The following BBS9 variants were observed in gnomAD, a reference collection of about 807,000 sequenced individuals.
BBS9 encodes Bardet-Biedl syndrome 9.
A neutral mutation model predicts 117.7 loss-of-function variants in BBS9; 89 were observed. The observed-to-expected ratio is 0.76, with a 90% CI of 0.64 to 0.90. The LOEUF is 0.90. BBS9 is among the 40% of genes least tolerant of loss of function. BBS9 has a pLI of 0.00. For missense variants in BBS9, 982 were observed against 1,042.2 expected, an observed-to-expected ratio of 0.94 and a Z score of 0.80; for synonymous variants, 379 against 370.9, an observed-to-expected ratio of 1.02 and a Z score of -0.25.
At chr7:33,579,296 A>G (rs901931235) in intron 21 of BBS9, among the ~76,000 whole-genome samples, 2 of 152,134 alleles carry the variant, frequency 1.3e-5, no homozygotes, top group African/African-American at 2.4e-5. Flanking sequence ...AGAAGACCCT[A>G]TTCTATCTGA....
chr7:33,335,031 G>A (rs1267779258), intron 9 of BBS9, among the ~76,000 whole-genome samples: 1 of 152,196 alleles, frequency 6.6e-6, no homozygotes, highest in Non-Finnish European at 1.5e-5. Flanking sequence ...AGCAATGGTA[G>A]TATCTACTCC....
rs577870288 is a variant in BBS9, at chr7:33,414,564, C to G, written c.2115+26420C>G. Among the ~76,000 whole-genome samples, 8 of 152,222 alleles carry G rather than the reference C, an allele frequency of 5.3e-5. No homozygotes were observed. In the South Asian group the frequency reaches 8.3e-4, roughly 16 times the overall value. ...AAAATTGGGATCATCATATAAAAAT[C>G]TGTTGGAATCCTATTTATTCCTCTT... On this transcript the variant is annotated intron_variant, in intron 19 of 22. Coordinates refer to ENST00000242067, the MANE Select transcript of BBS9 (RefSeq NM_198428.3).
intron 9 of BBS9, among the ~76,000 whole-genome samples, chr7:33,313,774 C>A (rs1809844033): frequency 6.6e-6 from 1 of 152,144 alleles, no homozygotes. Context: ...TAATCCAGCT[C>A]TTGATTATTG....
intron 21 of BBS9, among the ~76,000 whole-genome samples, chr7:33,576,321 A>G (rs1370334114): frequency 1.3e-5 from 2 of 152,202 alleles, no homozygotes; most frequent in East Asian, 3.9e-4. Flanking sequence ...TATAAAGAGA[A>G]TAAAATACCT....
chr7:33,197,179 C>CAG (rs1445229912), intron 5 of BBS9, among the ~76,000 whole-genome samples: 13 of 152,070 alleles, frequency 8.5e-5, no homozygotes, highest in Non-Finnish European at 1.9e-4. Context: ...TGCTTGTGGT[C>CAG]AGCACTGCCT....
chr7:33,357,212 ATGTCTAAAATGT>A (rs1158287954), intron 15 of BBS9, among the ~76,000 whole-genome samples: 3 of 151,808 alleles, frequency 2.0e-5, no homozygotes, highest in Non-Finnish European at 3.0e-5. Context: ...GACTGTCTAA[ATGTCTAAAATGT>A]CACTTAAAGT....
chr7:33,216,352 T>G (rs970613619), intron 5 of BBS9, among the ~76,000 whole-genome samples: 4 of 152,210 alleles, frequency 2.6e-5, no homozygotes, highest in Admixed American at 2.6e-4. Context: ...AACCTAGGCC[T>G]CAGTCCTATC....
chr7:33,262,750 A>T (rs897417764), intron 6 of BBS9, among the ~76,000 whole-genome samples: 3 of 152,090 alleles, frequency 2.0e-5, no homozygotes, highest in Non-Finnish European at 4.4e-5. Context: ...TTACTGCTGC[A>T]TGCCTTTGCA....
At chr7:33,486,876 T>TA (rs1040868901) in intron 19 of BBS9, among the ~76,000 whole-genome samples, 2 of 152,226 alleles carry the variant, frequency 1.3e-5, no homozygotes, top group Non-Finnish European at 1.5e-5. Context: ...CCAGTGCTGA[T>TA]ACACAGCAAA....
chr7:33,394,420 G>A (rs925259299), intron 19 of BBS9, among the ~76,000 whole-genome samples: 5 of 152,098 alleles, frequency 3.3e-5, no homozygotes, highest in African/African-American at 1.2e-4. Context: ...GGTAGGAGGA[G>A]GGGAGGATCA....
intron 19 of BBS9, among the ~76,000 whole-genome samples, chr7:33,409,776 A>G (rs1456375417): frequency 6.6e-6 from 1 of 152,216 alleles, no homozygotes; most frequent in Non-Finnish European, 1.5e-5. Flanking sequence ...ACTTTTAAAA[A>G]TATGTTTATT....
intron 21 of BBS9, among the ~76,000 whole-genome samples, chr7:33,582,778 T>C (rs1230064883): frequency 6.6e-6 from 1 of 152,142 alleles, no homozygotes; most frequent in African/African-American, 2.4e-5. Context: ...GATGAAAGAC[T>C]TTTCTTAATT....
intron 4 of BBS9, among the ~76,000 whole-genome samples, chr7:33,170,694 C>A (rs980666475): frequency 1.2e-4 from 18 of 149,142 alleles, no homozygotes; most frequent in African/African-American, 4.2e-4. Context: ...GATTGTATAT[C>A]TAGAAAACCC....
chr7:33,616,887 A>G (rs573248365), intron 21 of BBS9, among the ~76,000 whole-genome samples: 19 of 152,056 alleles, frequency 1.2e-4, no homozygotes, highest in South Asian at 2.1e-4. Flanking sequence ...GGAGTCTCCA[A>G]TGTCGATTAT....
chr7:33,619,039 C>T (rs561695110), intron 21 of BBS9, among the ~76,000 whole-genome samples: 1 of 152,168 alleles, frequency 6.6e-6, no homozygotes, highest in African/African-American at 2.4e-5. Flanking sequence ...TAAATAGATT[C>T]TTCAATCAAA....
At chr7:33,335,128 A>G (rs1467749497) in intron 9 of BBS9, among the ~76,000 whole-genome samples, 1 of 152,232 alleles carries the variant, frequency 6.6e-6, no homozygotes, top group Non-Finnish European at 1.5e-5. Flanking sequence ...TTCATTCTAA[A>G]TAATCCTAGA....
intron 19 of BBS9, among the ~76,000 whole-genome samples, chr7:33,402,846 C>G (rs1829143915): frequency 6.6e-6 from 1 of 151,580 alleles, no homozygotes; most frequent in African/African-American, 2.4e-5. Context: ...TACCTCTCTT[C>G]CTTCCTCCCC....
intron 1 of BBS9, among the ~76,000 whole-genome samples, chr7:33,138,582 T>A (rs1790934475): frequency 6.6e-6 from 1 of 151,028 alleles, no homozygotes; most frequent in African/African-American, 2.4e-5. Context: ...TTTCAGGAGC[T>A]AACGAAGTGG....
intron 19 of BBS9, among the ~76,000 whole-genome samples, chr7:33,452,102 G>A (rs1837968563): frequency 6.6e-6 from 1 of 152,054 alleles, no homozygotes; most frequent in Non-Finnish European, 1.5e-5. Flanking sequence ...CCCAAGTGCT[G>A]GAATTACAGG....
Sources: gnomAD v4.1 joint callset for allele counts (sites outside exome capture counted in the v4.1 genomes callset) on GRCh38, gnomAD v4.1.1 for gene constraint, MANE v1.5 for transcripts, NCBI Gene and HGNC (gene_info 2026-07-23, HGNC 2026-07-21) for gene names.